Variants in KCNU1 observed in about 807,000 individuals in gnomAD.
The protein encoded by KCNU1 is potassium channel subfamily U member 1.
KCNU1 carries 93 observed loss-of-function variants against 126.8 expected under a neutral mutation model. The observed-to-expected ratio is 0.73, with a 90% CI of 0.62 to 0.87. The LOEUF (loss-of-function observed/expected upper bound fraction) is 0.87. Among genes scored for constraint, KCNU1 ranks in the 40% least tolerant of loss-of-function variants. The pLI, the probability that KCNU1 is intolerant of heterozygous loss-of-function variation, is 0.00. For synonymous variants in KCNU1, 523 were observed against 494.2 expected (o/e 1.06, Z -0.77); for missense variants, 1,330 against 1,367.1 (o/e 0.97, Z 0.43).
chr8:36,811,766 T>G (rs1333955886), intron 7 of KCNU1, among the ~76,000 whole-genome samples: 2 of 151,878 alleles, frequency 1.3e-5, no homozygotes, highest in Non-Finnish European at 2.9e-5. Flanking sequence ...ACCTCATCTC[T>G]ACTAAAAATA....
chr8:36,868,296 C>A lies in KCNU1; in HGVS notation c.2009+3775C>A, dbSNP rs78830845. Among the ~76,000 whole-genome samples, 816 of 152,092 alleles carry A rather than the reference C, an allele frequency of 5.4e-3. 1 individual carries two copies. The highest frequency in any genetic ancestry group is 9.4e-3 in the Non-Finnish European group (638 of 67,964). On this transcript the variant is annotated intron_variant, in intron 19 of 26. Coordinates refer to ENST00000399881, the MANE Select transcript of KCNU1 (RefSeq NM_001031836.3). ...CAGCTAGCAAATTGGCAACATATGT[C>A]TAGAGGATCTATGTTTGCCATAACA...
chr8:36,921,784 T>C lies in KCNU1; in HGVS notation c.2597-706T>C, dbSNP rs1585569565. ...GCCTACCAGGGTCTGAGTTGGAGCCTGGGGCCAGTATAGACATGCTGATGG... is the reference window on the plus strand; with the variant it reads ...GCCTACCAGGGTCTGAGTTGGAGCCCGGGGCCAGTATAGACATGCTGATGG... On this transcript the variant is annotated intron_variant, in intron 23 of 26. Coordinates refer to ENST00000399881, the MANE Select transcript of KCNU1 (RefSeq NM_001031836.3). 2.0e-5 allele frequency among the ~76,000 whole-genome samples: 3 copies of C among 152,066 alleles called. No individual in the cohort carries two copies. The East Asian group carries it at 5.8e-4, about 30-fold the overall frequency.
intron 18 of KCNU1, among the ~76,000 whole-genome samples, chr8:36,864,002 G>A (rs1258928264): frequency 2.0e-5 from 3 of 152,164 alleles, no homozygotes; most frequent in Non-Finnish European, 2.9e-5. Context: ...AGGAGGTGAT[G>A]TCCAGGCAGA....
intron 2 of KCNU1, chr8:36,795,663 C>T (rs751327046): frequency 6.6e-6 from 1 of 152,358 alleles, no homozygotes; most frequent in Non-Finnish European, 1.5e-5. Context: ...TCTGGCTGTA[C>T]TTGACTTCCT....
At chr8:36,925,630 C>T (rs557999599) in intron 24 of KCNU1, among the ~76,000 whole-genome samples, 31 of 152,238 alleles carry the variant, frequency 2.0e-4, no homozygotes, top group African/African-American at 7.0e-4. Flanking sequence ...AAAGAAAGAC[C>T]CAAGGATCAA....
intron 23 of KCNU1, among the ~76,000 whole-genome samples, chr8:36,921,439 G>A (rs1311558538): frequency 6.6e-6 from 1 of 152,082 alleles, no homozygotes; most frequent in East Asian, 1.9e-4. Context: ...CAAACTTTGG[G>A]AGGCTGAGGC....
At chr8:36,893,771 A>T (rs1807072221) in intron 19 of KCNU1, among the ~76,000 whole-genome samples, 2 of 152,090 alleles carry the variant, frequency 1.3e-5, no homozygotes, top group Non-Finnish European at 2.9e-5. Context: ...AACTCTGAAG[A>T]TGTTGATTTT....
intron 10 of KCNU1, among the ~76,000 whole-genome samples, chr8:36,828,939 A>G (rs1447632422): frequency 2.0e-5 from 3 of 152,064 alleles, no homozygotes; most frequent in Non-Finnish European, 4.4e-5. Context: ...GTATGGTTAT[A>G]TGTTTTAAGC....
At chr8:36,794,462 T>G (rs550131729) in intron 2 of KCNU1, among the ~76,000 whole-genome samples, 13 of 152,296 alleles carry the variant, frequency 8.5e-5, no homozygotes, top group African/African-American at 2.6e-4. Flanking sequence ...ATTAATATCT[T>G]CCTTAGCCTT....
At chr8:36,897,387 A>G (rs894163879) in intron 19 of KCNU1, among the ~76,000 whole-genome samples, 1 of 152,068 alleles carries the variant, frequency 6.6e-6, no homozygotes, top group Non-Finnish European at 1.5e-5. Context: ...TTACAAGGAA[A>G]TAAATGACTT....
At chr8:36,831,314 G>C (rs1804538543) in intron 10 of KCNU1, among the ~76,000 whole-genome samples, 1 of 151,972 alleles carries the variant, frequency 6.6e-6, no homozygotes, top group Admixed American at 6.6e-5. Flanking sequence ...TCTAGTTCTA[G>C]ATCCCTGAGG....
intron 19 of KCNU1, among the ~76,000 whole-genome samples, chr8:36,882,990 CCTTAT>C (rs1190131597): frequency 5.9e-5 from 9 of 151,980 alleles, no homozygotes; most frequent in African/African-American, 1.7e-4. Flanking sequence ...TTTTTGCCTT[CCTTAT>C]CTTTTGCATT....
intron 16 of KCNU1, 26 bp downstream of exon 16, chr8:36,841,029 CAG>C: frequency 9.6e-6 from 8 of 836,380 alleles, no homozygotes; most frequent in Non-Finnish European, 1.5e-5. Context: ...CTCATCTCTT[CAG>C]TTGTTTTTTT....
chr8:36,819,340 T>C (rs950086566), intron 10 of KCNU1, among the ~76,000 whole-genome samples: 29 of 152,068 alleles, frequency 1.9e-4, no homozygotes, highest in African/African-American at 6.7e-4. Flanking sequence ...CAAACAAAAA[T>C]CAAAGAAGGA....
intron 19 of KCNU1, among the ~76,000 whole-genome samples, chr8:36,866,927 T>C (rs1563304539): frequency 6.6e-6 from 1 of 152,208 alleles, no homozygotes; most frequent in Non-Finnish European, 1.5e-5. Context: ...ATATTCTAAA[T>C]ACCCTGACTT....
intron 14 of KCNU1, among the ~76,000 whole-genome samples, chr8:36,838,357 A>G (rs1804829356): frequency 6.6e-6 from 1 of 152,180 alleles, no homozygotes; most frequent in East Asian, 1.9e-4. Context: ...GAAACTATAG[A>G]AGACAGGGAT....
At chr8:36,852,379 C>T (rs538685664) in intron 18 of KCNU1, among the ~76,000 whole-genome samples, 2 of 152,128 alleles carry the variant, frequency 1.3e-5, no homozygotes, top group East Asian at 3.9e-4. Flanking sequence ...GAAAACTCAC[C>T]CCATAGAATG....
rs79444019 is a variant in KCNU1, at chr8:36,815,701, T to C, written c.995+14T>C. On this transcript the variant is annotated intron_variant, in intron 9 of 26. Transcript: ENST00000399881. Reference sequence around the variant, plus strand: ...CAAAGGAAAGAAGTAAGTAGTGTTTTAAGTATAATTTCTACAGTTTAAGAA... The same window carrying C: ...CAAAGGAAAGAAGTAAGTAGTGTTTCAAGTATAATTTCTACAGTTTAAGAA... The C allele has an allele frequency of 1.4e-6, 2 of 1,396,748 alleles. No individual in the cohort carries two copies. The highest frequency in any genetic ancestry group is 2.0e-6 in the Non-Finnish European group (2 of 997,398). 86.5% of individuals were successfully genotyped at this position (1,396,748 alleles called of 1,614,324 possible).
At chr8:36,812,150 G>GGGGC (rs2130449221) in intron 7 of KCNU1, among the ~76,000 whole-genome samples, 1 of 152,038 alleles carries the variant, frequency 6.6e-6, no homozygotes, top group East Asian at 1.9e-4. Flanking sequence ...AGGCCAAGGA[G>GGGGC]GGGCGGATCT....
Sources: gnomAD v4.1 joint callset for allele counts (sites outside exome capture counted in the v4.1 genomes callset) on GRCh38, gnomAD v4.1.1 for gene constraint, MANE v1.5 for transcripts, NCBI Gene and HGNC (gene_info 2026-07-23, HGNC 2026-07-21) for gene names.